Variants in HTRA2 observed in about 807,000 individuals in gnomAD.
HTRA2 encodes serine protease HTRA2, mitochondrial.
HTRA2 carries 24 observed loss-of-function variants against 42.2 expected under a neutral mutation model. The observed-to-expected ratio is 0.57, with a 90% CI of 0.41 to 0.80. The LOEUF is 0.80. HTRA2 is among the 30% of genes least tolerant of loss of function. The probability of loss-of-function intolerance (pLI) is 0.00; values close to 1 mark genes in which losing one functional copy is unlikely to be tolerated. For missense variants in HTRA2, 466 were observed against 613.5 expected (o/e 0.76, Z 2.54); for synonymous variants, 245 against 255.8 (o/e 0.96, Z 0.40).
At chr2:74,533,426 G>C, downstream of HTRA2, 1 of 605,484 alleles carries the variant, frequency 1.7e-6, no homozygotes, top group Non-Finnish European at 2.9e-6. Context: ...CTTGGCTACA[G>C]ATACTGACAG....
At chr2:74,529,646 G>A (rs757541077), upstream of HTRA2, 701 of 1,552,318 alleles carry the variant, frequency 4.5e-4, no homozygotes, top group Non-Finnish European at 5.0e-4. Flanking sequence ...TGCTTCAGGA[G>A]CGCCCGGCCG....
chr2:74,532,668 C>A lies in HTRA2; in HGVS notation c.1165C>A (p.His389Asn), dbSNP rs1372057304. 3.1e-6 allele frequency: 5 copies of A among 1,613,826 alleles called. No homozygotes were observed. Among genetic ancestry groups the A allele is most frequent in the Non-Finnish European group, 8.5e-7 (1 of 1,180,036 alleles). ...AGAACCAAGCTTTCCCGATGTTCAG[C>A]ATGGTGTACTCATCCATAAAGTCAT... ...LREPSFPDVQ[H>N]GVLIHKVILG... The change falls in exon 7 of 8, where the codon CAT (histidine) becomes AAT (asparagine). Residue 389 changes from histidine (H) to asparagine (N), a missense_variant. Transcript: ENST00000258080.
Position 74,530,247 on chromosome 2 carries a change from G to A in HTRA2, c.241G>A (p.Ala81Thr), listed in dbSNP as rs886056345. 1 of 1,609,664 alleles carries A rather than the reference G, an allele frequency of 6.2e-7. No individual in the cohort carries two copies. The highest frequency in any genetic ancestry group is 1.3e-5 in the African/African-American group (1 of 74,864). ...GACGTCTGGGACCCCGGGTCCCCGG[G>A]CACAACTGACTGCGGTGACCCCAGA... ...CLTSGTPGPR[A>T]QLTAVTPDTR... Residue 81 changes from alanine (A) to threonine (T), a missense_variant, in exon 1 of 8, where the codon GCA becomes ACA. This residue lies in a region of HTRA2 where 222 missense variants were observed against 205.1 expected (regional missense o/e 1.08). Transcript: ENST00000258080. This position sits in a 1 kb window ranked among gnomAD's most constrained non-coding sequence, Gnocchi z 7.4.
chr2:74,529,767 G>A, upstream of HTRA2: 6 of 1,479,698 alleles, frequency 4.1e-6, no homozygotes, highest in Admixed American at 2.4e-5. Flanking sequence ...CGCCGGAAGG[G>A]CTAGCGGTCC....
At chr2:74,531,531 T>A in intron 4 of HTRA2, 66 bp from the exon 5 acceptor site, 1 of 1,612,628 alleles carries the variant, frequency 6.2e-7, no homozygotes, top group East Asian at 2.2e-5. Flanking sequence ...GCTGGTACTT[T>A]TGTTCGGGTG....
rs1558611272 is a variant in HTRA2 at position 74,530,676 on chromosome 2, C to T, written c.566C>T (p.Ala189Val). 1 of 1,614,188 alleles carries T rather than the reference C, an allele frequency of 6.2e-7. No individual in the cohort carries two copies. Among genetic ancestry groups the T allele is most frequent in the Middle Eastern group, 1.6e-4 (1 of 6,062 alleles). The change falls in exon 2 of 8, where the codon GCC (alanine) becomes GTC (valine). Residue 189 changes from alanine (A) to valine (V), a missense_variant. Ala to Val is a moderately conservative substitution (Grantham distance 64). Coordinates refer to ENST00000258080, the MANE Select transcript of HTRA2 (RefSeq NM_013247.5). This position sits in a 1 kb window ranked among gnomAD's most constrained non-coding sequence, Gnocchi z 7.4. ...ISNGSGFVVA[A>V]DGLIVTNAHV... The stretch of plus-strand genomic sequence containing the variant: ...AACGGCTCAGGATTCGTGGTGGCTG[C>T]CGATGGGCTCATTGTCACCAACGCC...
Position 74,531,609 on chromosome 2 carries a change from A to G in HTRA2, c.952A>G (p.Ile318Val). 4.3e-6 allele frequency: 7 copies of G among 1,614,092 alleles called. No individual in the cohort carries two copies. Among genetic ancestry groups the G allele is most frequent in the Non-Finnish European group, 5.9e-6 (7 of 1,179,996 alleles). Residue 318 changes from isoleucine (I) to valine (V), a missense_variant, in exon 5 of 8, where the codon ATT becomes GTT. Ile to Val is a conservative substitution (Grantham distance 29). Around this residue, in one of 3 missense-constraint regions of HTRA2, gnomAD observed 115 missense variants for 245.4 expected, o/e 0.47. Transcript: ENST00000258080. Reference protein sequence around the residue: ...GPLVNLDGEVIGVNTMKVTAG... With the variant: ...GPLVNLDGEVVGVNTMKVTAG... ...TGTATCCCTGCAGGATGGGGAGGTG[A>G]TTGGAGTGAACACCATGAAGGTCAC...
At chr2:74,531,252 G>C (rs1261015300) in intron 3 of HTRA2, 87 bp from the exon 4 acceptor site, 2 of 1,565,068 alleles carry the variant, frequency 1.3e-6, no homozygotes, top group Non-Finnish European at 1.8e-6. Flanking sequence ...TGAGAAAGAA[G>C]AGAATTTGGA....
Position 74,532,849 on chromosome 2 carries a change from T to C in HTRA2, c.1241T>C (p.Leu414Ser). The part of the protein sequence containing the change: ...RAGLRPGDVI[L>S]AIGEQMVQNA... ...GGTCTGCGGCCTGGTGATGTGATTT[T>C]GGCCATTGGGGAGCAGATGGTACAA... The change falls in exon 8 of 8, where the codon TTG becomes TCG. Residue 414 changes from leucine to serine, a missense_variant. By Grantham distance (145) the Leu-to-Ser change is moderately radical. Coordinates refer to ENST00000258080, the MANE Select transcript of HTRA2 (RefSeq NM_013247.5). 1.9e-6 allele frequency: 3 copies of C among 1,614,184 alleles called. No homozygotes were observed. The highest frequency in any genetic ancestry group is 2.5e-6 in the Non-Finnish European group (3 of 1,180,030).
At chr2:74,531,953 A>T (rs1225660565) in intron 6 of HTRA2, 28 bp downstream of exon 6, 2 of 1,607,096 alleles carry the variant, frequency 1.2e-6, no homozygotes, top group Non-Finnish European at 1.7e-6. Context: ...AGTGACATGT[A>T]ATGTGACCAG....
chr2:74,529,585 C>A (rs1387519146), upstream of HTRA2: 1 of 1,565,890 alleles, frequency 6.4e-7, no homozygotes, highest in African/African-American at 1.4e-5. Context: ...CTTACCGGTG[C>A]GAGTCAAAGA....
upstream of HTRA2, chr2:74,529,613 C>T (rs764241212): frequency 4.5e-6 from 7 of 1,569,258 alleles, no homozygotes; most frequent in Non-Finnish European, 5.2e-6. Flanking sequence ...CGGCCCCGGC[C>T]CTGAGGGAAG....
upstream of HTRA2, chr2:74,529,594 G>A: frequency 6.4e-7 from 1 of 1,568,382 alleles, no homozygotes; most frequent in Non-Finnish European, 8.7e-7. Context: ...GCGAGTCAAA[G>A]AGCCGCTCCG....
chr2:74,529,665 G>A (rs370201263), upstream of HTRA2: 5 of 1,544,650 alleles, frequency 3.2e-6, no homozygotes, highest in South Asian at 2.4e-5. Flanking sequence ...CGTCGCCGCC[G>A]CCGCCATTTT....
At chr2:74,529,775 TC>T (rs1397935910), upstream of HTRA2, 1 of 1,468,110 alleles carries the variant, frequency 6.8e-7, no homozygotes, top group African/African-American at 1.4e-5. Context: ...GGGCTAGCGG[TC>T]CCAGCATACC....
At chr2:74,533,418 T>A, downstream of HTRA2, 1 of 595,144 alleles carries the variant, frequency 1.7e-6, no homozygotes. Context: ...TTCCCATGCT[T>A]GGCTACAGAT....
In HTRA2 at chr2:74,531,109, C is replaced by T; in HGVS notation, c.906+4C>T. 4 of 1,613,694 alleles carry T rather than the reference C, an allele frequency of 2.5e-6. No individual in the cohort carries two copies. Among genetic ancestry groups the T allele is most frequent in the South Asian group, 2.2e-5 (2 of 91,070 alleles). On this transcript the variant is annotated splice_donor_region_variant and intron_variant, in intron 3 of 7. Coordinates refer to ENST00000258080, the MANE Select transcript of HTRA2 (RefSeq NM_013247.5). ...TCAAACTGATGCAGCTATTGATGTG[C>T]GTCCTGATAGGAGAGAAATGACAAA...
rs1194235670 is a variant in HTRA2 at position 74,533,057 on chromosome 2, C to T, written c.*72C>T. ...CTTTCTGGCTGAGGTTCTGAGGGCACCGAGACAGAGGGTTAAATGAACCAG... is the reference window on the plus strand; with the variant it reads ...CTTTCTGGCTGAGGTTCTGAGGGCATCGAGACAGAGGGTTAAATGAACCAG... On this transcript the variant is annotated 3_prime_UTR_variant, in exon 8 of 8. Transcript: ENST00000258080. 2.0e-6 allele frequency: 3 copies of T among 1,484,436 alleles called. No homozygotes were observed. Among genetic ancestry groups the T allele is most frequent in the Admixed American group, 3.4e-5 (2 of 59,418 alleles). 92.0% of individuals were successfully genotyped at this position (1,484,436 alleles called of 1,614,324 possible).
rs951170334 is a variant in HTRA2, at chr2:74,530,604, C to T, written c.507-13C>T. ...CAGAGCCTCCTCTTATCTGTGCTTTCCCTCCATTTCAGGCACCCTTTCTTG... is the reference window on the plus strand; with the variant it reads ...CAGAGCCTCCTCTTATCTGTGCTTTTCCTCCATTTCAGGCACCCTTTCTTG... On this transcript the variant is annotated splice_polypyrimidine_tract_variant and intron_variant, in intron 1 of 7. Transcript: ENST00000258080. This position sits in a 1 kb window ranked among gnomAD's most constrained non-coding sequence, Gnocchi z 7.4. The T allele has an allele frequency of 3.1e-6, 5 of 1,614,008 alleles. No individual in the cohort carries two copies. Among genetic ancestry groups the T allele is most frequent in the Admixed American group, 1.7e-5 (1 of 60,028 alleles).
Sources: allele counts gnomAD v4.1 joint callset, GRCh38; gene constraint gnomAD v4.1.1; regional missense constraint gnomAD v4.1.1; non-coding constraint Gnocchi (gnomAD v3.1); transcripts MANE v1.5; gene names NCBI Gene and HGNC (gene_info 2026-07-23, HGNC 2026-07-21).